Variants in PRDM6 observed in about 807,000 individuals in gnomAD.
PRDM6 encodes the protein putative histone-lysine N-methyltransferase PRDM6.
Under a neutral mutation model 60.8 loss-of-function variants are expected in PRDM6, and 25 were observed. The ratio of observed to expected loss-of-function variants is 0.41; its 90% CI spans 0.30 to 0.57. The LOEUF is 0.57. Ranked by LOEUF, PRDM6 falls within the 20% of genes least tolerant of loss-of-function variation. The probability of loss-of-function intolerance (pLI) is 0.27; values close to 1 mark genes in which losing one functional copy is unlikely to be tolerated. For missense variants in PRDM6, 839 were observed against 821.3 expected (o/e 1.02, Z -0.26); for synonymous variants, 407 against 357.4 (o/e 1.14, Z -1.57).
At chr5:123,157,709 A>G (rs1224055474) in intron 4 of PRDM6, among the ~76,000 whole-genome samples, 1 of 152,244 alleles carries the variant, frequency 6.6e-6, no homozygotes, top group Non-Finnish European at 1.5e-5. Flanking sequence ...GCTAATTTTT[A>G]TTGTACATGA....
chr5:123,180,231 G>T lies in PRDM6; in HGVS notation c.1581G>T (p.Arg527=), dbSNP rs1000230552. 1 of 1,551,912 alleles carries T rather than the reference G, an allele frequency of 6.4e-7. No individual in the cohort carries two copies. Among genetic ancestry groups the T allele is most frequent in the African/African-American group, 1.4e-5 (1 of 73,046 alleles). Residue 527 remains arginine, a synonymous_variant, in exon 7 of 8, where the codon CGG becomes CGT. Transcript: ENST00000407847. The part of the protein sequence containing the change: ...RNHVVTHSSD[R]PFKCGYCGRA... ...ACGTGGTCACTCACTCTAGTGACCG[G>T]CCTTTCAAGTGCGGCTACTGTGGTC...
chr5:123,140,389 A>G (rs1765070424), intron 3 of PRDM6, among the ~76,000 whole-genome samples: 2 of 152,084 alleles, frequency 1.3e-5, no homozygotes, highest in African/African-American at 2.4e-5. Flanking sequence ...GGGTTATGTG[A>G]TATAGTTTTT....
Position 123,189,922 on chromosome 5 carries a change from T to G in PRDM6, c.*2721T>G, listed in dbSNP as rs1288173692. 1.3e-5 allele frequency: 2 copies of G among 152,198 alleles called. No homozygotes were observed. Among genetic ancestry groups the G allele is most frequent in the Non-Finnish European group, 2.9e-5 (2 of 68,040 alleles). The allele number at this position is 152,198 out of a possible 1,614,324, so 9.4% of individuals were successfully genotyped here. A position where few individuals can be genotyped will look rare whatever the true frequency, so the allele number is the denominator to read the frequency against. On this transcript the variant is annotated 3_prime_UTR_variant, in exon 8 of 8. Transcript: ENST00000407847. ...GGGGAGGAGGTTTCTCTTTGAAACT[T>G]CCTAACAATTGCTTTAGCCTTTTCT...
intron 3 of PRDM6, among the ~76,000 whole-genome samples, chr5:123,116,132 G>A (rs1325914905): frequency 4.6e-5 from 7 of 152,150 alleles, no homozygotes; most frequent in Non-Finnish European, 8.8e-5. Context: ...TGTGGATCCC[G>A]GAGGCTGCTT....
chr5:123,105,561 A>T (rs1764183521), intron 3 of PRDM6, among the ~76,000 whole-genome samples: 2 of 152,254 alleles, frequency 1.3e-5, no homozygotes, highest in South Asian at 4.1e-4. Flanking sequence ...CAGCTGGGGA[A>T]TATGCCTACA....
chr5:123,119,264 T>G lies in PRDM6; in HGVS notation c.900+19303T>G, dbSNP rs150656624. Among the ~76,000 whole-genome samples the G allele has an allele frequency of 7.0e-3, 1,058 of 150,982 alleles. 14 individuals carry two copies. The highest frequency in any genetic ancestry group is 0.025 in the African/African-American group (1,017 of 41,016). Reference sequence around the variant, plus strand: ...ATGTTTAAATGAGTAGAGATTAGAGTAGGGAAAAAACAAGATGAGAGATTT... The same window carrying G: ...ATGTTTAAATGAGTAGAGATTAGAGGAGGGAAAAAACAAGATGAGAGATTT... On this transcript the variant is annotated intron_variant, in intron 3 of 7. Transcript: ENST00000407847.
chr5:123,160,786 C>G (rs1765612785), intron 5 of PRDM6, among the ~76,000 whole-genome samples: 1 of 152,218 alleles, frequency 6.6e-6, no homozygotes, highest in Non-Finnish European at 1.5e-5. Context: ...TTTGCACATA[C>G]AGTACATTCC....
At chr5:123,127,731 TCCTTCTTTCCTTTCTTTCCTTTCTTTC>T in intron 3 of PRDM6, among the ~76,000 whole-genome samples, 1 of 151,778 alleles carries the variant, frequency 6.6e-6, no homozygotes, top group African/African-American at 2.4e-5. Flanking sequence ...TTTCTTTCTT[TCCTTCTTTCCTTTCTTTCCTTTCTTTC>T]CTTTCTTTCT....
At chr5:123,183,465 A>G (rs907145240) in intron 7 of PRDM6, among the ~76,000 whole-genome samples, 1 of 152,220 alleles carries the variant, frequency 6.6e-6, no homozygotes, top group Non-Finnish European at 1.5e-5. Context: ...CAGAGTTTCA[A>G]TCCAGGCTTT....
chr5:123,096,101 A>G (rs922677580), intron 2 of PRDM6, among the ~76,000 whole-genome samples: 1 of 574 alleles, frequency 1.7e-3, no homozygotes, highest in Non-Finnish European at 6.7e-3. Flanking sequence ...AGACGCTTAG[A>G]CAGGAGCATT....
chr5:123,091,113 G>T (rs1392609605), intron 2 of PRDM6, among the ~76,000 whole-genome samples: 1 of 152,208 alleles, frequency 6.6e-6, no homozygotes, highest in East Asian at 1.9e-4. Flanking sequence ...GGGCCGCGGG[G>T]TTGTGGGGGA....
chr5:123,153,724 G>A (rs189516147), intron 3 of PRDM6, among the ~76,000 whole-genome samples: 1 of 152,294 alleles, frequency 6.6e-6, no homozygotes, highest in African/African-American at 2.4e-5. Flanking sequence ...AAACAAGAGT[G>A]TAGGGGGAAA....
chr5:123,150,131 A>G (rs1019919436), intron 3 of PRDM6, among the ~76,000 whole-genome samples: 2 of 152,118 alleles, frequency 1.3e-5, no homozygotes, highest in Admixed American at 6.6e-5. Flanking sequence ...AGTCCTTTAC[A>G]TATACTCACT....
intron 4 of PRDM6, among the ~76,000 whole-genome samples, chr5:123,159,156 A>G (rs1470114229): frequency 6.6e-6 from 1 of 152,206 alleles, no homozygotes; most frequent in Non-Finnish European, 1.5e-5. Context: ...TAGTATTTAT[A>G]TATGAGGTTG....
chr5:123,120,265 C>T lies in PRDM6; in HGVS notation c.900+20304C>T, dbSNP rs145725034. Among the ~76,000 whole-genome samples, 52 of 152,274 alleles carry T rather than the reference C, an allele frequency of 3.4e-4. 1 individual carries two copies. In the East Asian group the frequency reaches 7.7e-3, roughly 23 times the overall value. Reference sequence around the variant, plus strand: ...AATATTCTAGATGCTGTTTTGAAGCCGTCCTGTGTTATGTCCAAACAGTGT... The same window carrying T: ...AATATTCTAGATGCTGTTTTGAAGCTGTCCTGTGTTATGTCCAAACAGTGT... On this transcript the variant is annotated intron_variant, in intron 3 of 7. Transcript: ENST00000407847.
chr5:123,137,056 G>T (rs1005267497), intron 3 of PRDM6, among the ~76,000 whole-genome samples: 7 of 152,208 alleles, frequency 4.6e-5, no homozygotes, highest in Non-Finnish European at 8.8e-5. Flanking sequence ...TTAATGGATG[G>T]TTGTGAGGAT....
chr5:123,135,591 C>G (rs1764934881), intron 3 of PRDM6, among the ~76,000 whole-genome samples: 1 of 152,106 alleles, frequency 6.6e-6, no homozygotes, highest in Non-Finnish European at 1.5e-5. Context: ...AACAACCACC[C>G]TCCCTCCACC....
At chr5:123,117,493 A>G (rs1252405161) in intron 3 of PRDM6, among the ~76,000 whole-genome samples, 1 of 152,172 alleles carries the variant, frequency 6.6e-6, no homozygotes, top group African/African-American at 2.4e-5. Flanking sequence ...AATTTTCATA[A>G]TCTTGACTGG....
At chr5:123,166,688 T>A (rs1334236813) in intron 5 of PRDM6, among the ~76,000 whole-genome samples, 4 of 152,258 alleles carry the variant, frequency 2.6e-5, no homozygotes, top group African/African-American at 9.6e-5. Flanking sequence ...GGGTCAGGCA[T>A]GTAATAGATG....
Sources: allele counts gnomAD v4.1 joint callset (sites outside exome capture counted in the v4.1 genomes callset), GRCh38; gene constraint gnomAD v4.1.1; transcripts MANE v1.5; gene names NCBI Gene and HGNC (gene_info 2026-07-23, HGNC 2026-07-21).